The following ABCC4 variants were observed in gnomAD, a reference collection of about 807,000 sequenced individuals.
ABCC4 encodes ATP binding cassette subfamily C member 4 (PEL blood group).
A neutral mutation model predicts 168.5 loss-of-function variants in ABCC4; 102 were observed. That is an observed-to-expected ratio of 0.61 (90% CI 0.52 to 0.71). The LOEUF is 0.71. Ranked by LOEUF, ABCC4 falls within the 30% of genes least tolerant of loss-of-function variation. ABCC4 has a pLI of 0.00. For missense variants in ABCC4, 1,402 were observed against 1,605.8 expected, an observed-to-expected ratio of 0.87 and a Z score of 2.17; for synonymous variants, 617 against 590.7, an observed-to-expected ratio of 1.04 and a Z score of -0.65.
At chr13:95,247,548 C>T (rs1280838909) in intron 2 of ABCC4, 95 bp downstream of exon 2, 9 of 900,608 alleles carry the variant, frequency 1.0e-5, no homozygotes, top group African/African-American at 5.0e-5. Flanking sequence ...TAAGGGTAAA[C>T]GGAGGCTCCA....
At chr13:95,095,899 C>A (rs1271084069) in intron 20 of ABCC4, 8 of 362,944 alleles carry the variant, frequency 2.2e-5, no homozygotes, top group Non-Finnish European at 3.9e-5. Flanking sequence ...AAAAACAAAA[C>A]AAAAACCCAG....
intron 8 of ABCC4, among the ~76,000 whole-genome samples, chr13:95,195,818 G>C (rs964376615): frequency 6.6e-6 from 1 of 152,026 alleles, no homozygotes; most frequent in East Asian, 1.9e-4. Flanking sequence ...ATTTACACTG[G>C]AGACAGGGTT....
chr13:95,121,062 A>G (rs181424347), intron 19 of ABCC4, among the ~76,000 whole-genome samples: 8 of 152,364 alleles, frequency 5.3e-5, no homozygotes, highest in African/African-American at 1.9e-4. Context: ...AGAACAGGCC[A>G]TCAACATGGC....
At chr13:95,144,805 C>T (rs1274488789) in intron 19 of ABCC4, among the ~76,000 whole-genome samples, 2 of 152,046 alleles carry the variant, frequency 1.3e-5, no homozygotes, top group Non-Finnish European at 2.9e-5. Context: ...GCCATACTGC[C>T]CAGAGCAATT....
At chr13:95,169,191 G>A (rs2037384484) in intron 14 of ABCC4, among the ~76,000 whole-genome samples, 1 of 152,210 alleles carries the variant, frequency 6.6e-6, no homozygotes. Context: ...TGCAGCCTCA[G>A]AACAGTGAGA....
At chr13:95,237,515 TC>T (rs1340411469) in intron 3 of ABCC4, among the ~76,000 whole-genome samples, 1 of 152,202 alleles carries the variant, frequency 6.6e-6, no homozygotes, top group Non-Finnish European at 1.5e-5. Flanking sequence ...AGAATTCTCC[TC>T]GACTGTGAAA....
chr13:95,105,697 T>A (rs888022028), intron 20 of ABCC4, among the ~76,000 whole-genome samples: 2 of 152,130 alleles, frequency 1.3e-5, no homozygotes, highest in Non-Finnish European at 2.9e-5. Flanking sequence ...TCGGCACTGC[T>A]GGACACTGAA....
Position 95,034,699 on chromosome 13 carries a change from T to G in ABCC4, c.3776A>C (p.Tyr1259Ser). The G allele has an allele frequency of 6.2e-7, 1 of 1,614,256 alleles. No homozygotes were observed. The highest frequency in any genetic ancestry group is 8.5e-7 in the Non-Finnish European group (1 of 1,180,050). Residue 1259 changes from tyrosine to serine, a missense_variant, in exon 30 of 31, where the codon TAT becomes TCT. Physicochemically the swap from Tyr to Ser is moderately radical, Grantham distance 144. This residue lies in a region of ABCC4 where 1,007 missense variants were observed against 1,127.3 expected (regional missense o/e 0.89). Coordinates refer to ENST00000645237, the MANE Select transcript of ABCC4 (RefSeq NM_005845.5). Reference sequence around the variant, plus strand: ...GCTCTCTTTATTTTGCAGCAAAACATACGGCTCATCATATTCTTTCAGTCT... The same window carrying G: ...GCTCTCTTTATTTTGCAGCAAAACAGACGGCTCATCATATTCTTTCAGTCT... ...SGRLKEYDEP[Y>S]VLLQNKESLF...
chr13:95,036,037 C>G (rs1421005168), intron 29 of ABCC4, among the ~76,000 whole-genome samples: 1 of 152,216 alleles, frequency 6.6e-6, no homozygotes, highest in Non-Finnish European at 1.5e-5. Context: ...ATAATTGAAT[C>G]TGTCACATCC....
rs758581804 is a variant in ABCC4 at position 95,164,373 on chromosome 13, T to C, written c.2175+5A>G. 2 of 1,613,852 alleles carry C rather than the reference T, an allele frequency of 1.2e-6. No individual in the cohort carries two copies. Among genetic ancestry groups the C allele is most frequent in the Non-Finnish European group, 1.7e-6 (2 of 1,179,928 alleles). ...TGAGGGCGCAAAACAAATGTCATTA[T>C]TTACCTGAGCTGCAGTGTTTAGGAG... On this transcript the variant is annotated splice_donor_5th_base_variant and intron_variant, in intron 16 of 30. Transcript: ENST00000645237.
At position 95,071,699 on chromosome 13, in the gene ABCC4, A is replaced by G; in HGVS notation, c.3173T>C (p.Leu1058Pro). 1 of 1,538,052 alleles carries G rather than the reference A, an allele frequency of 6.5e-7. No homozygotes were observed. The highest frequency in any genetic ancestry group is 1.4e-5 in the African/African-American group (1 of 71,522). ...FMYSPGGPLV[L>P]KHLTALIKSQ... The stretch of plus-strand genomic sequence containing the variant: ...TTTAATGAGTGCTGTCAGATGCTTC[A>G]GTACCAGAGGCCCACCTGGACTGTA... Residue 1058 changes from leucine to proline, a missense_variant, in exon 25 of 31, where the codon CTG becomes CCG. Around this residue, in one of 3 missense-constraint regions of ABCC4, gnomAD observed 1,007 missense variants for 1,127.3 expected, o/e 0.89. Transcript: ENST00000645237.
intron 20 of ABCC4, among the ~76,000 whole-genome samples, chr13:95,104,545 A>C (rs1403489468): frequency 6.6e-6 from 1 of 152,242 alleles, no homozygotes. Context: ...TCTCCACCCC[A>C]TTTATTCTCA....
At chr13:95,163,742 G>T in intron 16 of ABCC4, 95 bp from the exon 17 acceptor site, 2 of 1,075,452 alleles carry the variant, frequency 1.9e-6, no homozygotes, top group Admixed American at 2.0e-5. Flanking sequence ...CCGAAAGAAA[G>T]CCCTCAAAGC....
chr13:95,301,362 C>A lies in ABCC4; in HGVS notation c.-48G>T. On this transcript the variant is annotated 5_prime_UTR_variant, in exon 1 of 31. Coordinates refer to ENST00000645237, the MANE Select transcript of ABCC4 (RefSeq NM_005845.5). ...GGCCGGGGTCGCGCTGATCAGGCGG[C>A]GGTGGCCGCGGGCTCCGCTCCTGGA... 1.3e-6 allele frequency: 2 copies of A among 1,508,212 alleles called. No homozygotes were observed. Among genetic ancestry groups the A allele is most frequent in the South Asian group, 1.2e-5 (1 of 81,372 alleles). 93.4% of individuals were successfully genotyped at this position (1,508,212 alleles called of 1,614,324 possible). A position where few individuals can be genotyped will look rare whatever the true frequency, so the allele number is the denominator to read the frequency against.
chr13:95,045,647 G>A (rs1347008008), intron 27 of ABCC4, among the ~76,000 whole-genome samples: 1 of 152,120 alleles, frequency 6.6e-6, no homozygotes, highest in African/African-American at 2.4e-5. Flanking sequence ...TTGGGTGGTG[G>A]TTCAGTTCAC....
chr13:95,125,528 A>C (rs2035727597), intron 19 of ABCC4, among the ~76,000 whole-genome samples: 1 of 118,814 alleles, frequency 8.4e-6, no homozygotes, highest in Non-Finnish European at 1.9e-5. Context: ...GTAACAAGTA[A>C]ATAAATGAAT....
intron 19 of ABCC4, among the ~76,000 whole-genome samples, chr13:95,151,587 GAGA>G (rs1265696716): frequency 1.0e-4 from 15 of 142,940 alleles, no homozygotes; most frequent in South Asian, 2.2e-4. Flanking sequence ...GGAGGAGAAG[GAGA>G]AGAAGGAGGA....
At chr13:95,216,608 CAAAAAAAAA>C (rs199711816) in intron 4 of ABCC4, among the ~76,000 whole-genome samples, 70 of 125,572 alleles carry the variant, frequency 5.6e-4, no homozygotes, top group African/African-American at 2.2e-3. Context: ...AGGAAATTCA[CAAAAAAAAA>C]AAAAAAAAAA....
intron 19 of ABCC4, 135 bp from the exon 20 acceptor site, chr13:95,116,136 T>C (rs2035372249): frequency 1.9e-6 from 1 of 529,738 alleles, no homozygotes. Flanking sequence ...TAAGCCGATG[T>C]CAGTGGTAAA....
Sources: gnomAD v4.1 joint callset for allele counts (sites outside exome capture counted in the v4.1 genomes callset) on GRCh38, gnomAD v4.1.1 for gene constraint, gnomAD v4.1.1 regional missense constraint, MANE v1.5 for transcripts, NCBI Gene and HGNC (gene_info 2026-07-23, HGNC 2026-07-21) for gene names.